DCC: variants seen among roughly 807,000 people sequenced by gnomAD.
The protein encoded by DCC is DCC netrin 1 receptor, also known as netrin receptor DCC.
DCC carries 58 observed loss-of-function variants against 172.5 expected under a neutral mutation model. That is an observed-to-expected ratio of 0.34 (90% CI 0.27 to 0.42). DCC has a LOEUF of 0.42. Ranked by LOEUF, DCC falls within the 10% of genes least tolerant of loss-of-function variation. The pLI is 1.00. For synonymous variants in DCC, 709 were observed against 644.5 expected, an observed-to-expected ratio of 1.10 and a Z score of -1.52; for missense variants, 1,740 against 1,791.0, an observed-to-expected ratio of 0.97 and a Z score of 0.51.
At chr18:53,199,304 T>C (rs548881805) in intron 9 of DCC, among the ~76,000 whole-genome samples, 1 of 152,116 alleles carries the variant, frequency 6.6e-6, no homozygotes, top group East Asian at 1.9e-4. Flanking sequence ...TTGGCCAGGC[T>C]GGTCTTGAAC....
intron 2 of DCC, among the ~76,000 whole-genome samples, chr18:52,816,378 A>G (rs1370298869): frequency 6.6e-6 from 1 of 152,234 alleles, no homozygotes; most frequent in African/African-American, 2.4e-5. Context: ...TGGGTCATCC[A>G]GGCTCACAGT....
At chr18:53,479,898 A>T (rs2045811595) in intron 25 of DCC, among the ~76,000 whole-genome samples, 1 of 152,124 alleles carries the variant, frequency 6.6e-6, no homozygotes, top group African/African-American at 2.4e-5. Context: ...GGTTTTGGAG[A>T]TCTGGGGGTA....
chr18:52,940,204 C>G (rs1187645580), intron 5 of DCC, among the ~76,000 whole-genome samples: 1 of 152,110 alleles, frequency 6.6e-6, no homozygotes, highest in Non-Finnish European at 1.5e-5. Context: ...AGAAACCAAA[C>G]CAACGAACAA....
At chr18:53,115,341 G>C (rs1031834058) in intron 7 of DCC, among the ~76,000 whole-genome samples, 1 of 151,530 alleles carries the variant, frequency 6.6e-6, no homozygotes, top group Non-Finnish European at 1.5e-5. Context: ...GGAGACTTGA[G>C]TATCTATGTC....
At chr18:52,843,564 G>A (rs77688221) in intron 2 of DCC, among the ~76,000 whole-genome samples, 5,866 of 152,262 alleles carry the variant, frequency 0.039, 160 homozygotes, top group Non-Finnish European at 0.06. Flanking sequence ...ATAATTAAAT[G>A]TGTGCAATAA....
rs144943584 is a variant in DCC at position 52,711,521 on chromosome 18, T to C, written c.92-40533T>C. Among the ~76,000 whole-genome samples, 880 of 152,348 alleles carry C rather than the reference T, an allele frequency of 5.8e-3. 8 individuals carry two copies. Among genetic ancestry groups the C allele is most frequent in the Non-Finnish European group, 7.5e-3 (510 of 68,024 alleles). On this transcript the variant is annotated intron_variant, in intron 1 of 28. Coordinates refer to ENST00000442544, the MANE Select transcript of DCC (RefSeq NM_005215.4). ...TAATGAATTCATTACAAATCTATCA[T>C]AGAGTCTGACCTCTAGTTTTTGAAG...
Position 52,400,860 on chromosome 18 carries a change from G to A in DCC, c.91+59982G>A, listed in dbSNP as rs149921301. Among the ~76,000 whole-genome samples, 1,201 of 151,906 alleles carry A rather than the reference G, an allele frequency of 7.9e-3. 8 individuals are homozygous for A. The highest frequency in any genetic ancestry group is 0.054 in the Middle Eastern group (16 of 294). On this transcript the variant is annotated intron_variant, in intron 1 of 28. Coordinates refer to ENST00000442544, the MANE Select transcript of DCC (RefSeq NM_005215.4). ...ACACAGGAACAGAAAACCAAACACCGCATGTTCTCACTCATAAGTGGGAGT... is the reference window on the plus strand; with the variant it reads ...ACACAGGAACAGAAAACCAAACACCACATGTTCTCACTCATAAGTGGGAGT...
At chr18:52,719,610 C>A (rs199847450) in intron 1 of DCC, among the ~76,000 whole-genome samples, 87 of 145,950 alleles carry the variant, frequency 6.0e-4, no homozygotes, top group Non-Finnish European at 5.7e-4. Flanking sequence ...ATCTAAGGAA[C>A]AAAAAAAAAA....
Position 53,532,778 on chromosome 18 carries a change from GA to G in DCC, c.*2126del, listed in dbSNP as rs1329185368. On this transcript the variant is annotated 3_prime_UTR_variant, in exon 29 of 29. Transcript: ENST00000442544. ...TAGGTTGCAAATCTCAGATTTTAGGGATTGAGTCACACCTTCAATCTATAGA... is the reference window on the plus strand; with the variant it reads ...TAGGTTGCAAATCTCAGATTTTAGGGTTGAGTCACACCTTCAATCTATAGA... 1 of 150,230 alleles carries G rather than the reference GA, an allele frequency of 6.7e-6. No individual in the cohort carries two copies. Among genetic ancestry groups the G allele is most frequent in the African/African-American group, 2.5e-5 (1 of 40,772 alleles). 9.3% of individuals were successfully genotyped at this position (150,230 alleles called of 1,614,324 possible). A position where few individuals can be genotyped will look rare whatever the true frequency, so the allele number is the denominator to read the frequency against.
chr18:52,473,192 G>A (rs1988995947), intron 1 of DCC, among the ~76,000 whole-genome samples: 1 of 152,198 alleles, frequency 6.6e-6, no homozygotes, highest in Non-Finnish European at 1.5e-5. Flanking sequence ...AAAACAGGCA[G>A]GCTCTGGTCT....
chr18:53,010,566 T>C (rs2041713540), intron 5 of DCC, among the ~76,000 whole-genome samples: 1 of 151,324 alleles, frequency 6.6e-6, no homozygotes, highest in Non-Finnish European at 1.5e-5. Context: ...CATTTAAATA[T>C]ATATGTACAT....
chr18:53,239,910 C>T (rs1452863907), intron 12 of DCC, among the ~76,000 whole-genome samples: 1 of 150,642 alleles, frequency 6.6e-6, no homozygotes, highest in Non-Finnish European at 1.5e-5. Context: ...GCATAATACA[C>T]ATTTTAATCA....
At chr18:52,946,612 T>C (rs765368103) in intron 5 of DCC, among the ~76,000 whole-genome samples, 13 of 152,144 alleles carry the variant, frequency 8.5e-5, no homozygotes, top group African/African-American at 1.4e-4. Context: ...CCTGAGGCAT[T>C]TTCTTTCCAT....
intron 4 of DCC, among the ~76,000 whole-genome samples, chr18:52,924,974 A>ATT (rs3216126): frequency 1.1e-3 from 172 of 150,096 alleles, no homozygotes; most frequent in African/African-American, 1.4e-3. Flanking sequence ...ATTATCTATC[A>ATT]TTTTTTTTTT....
At chr18:53,178,459 A>C (rs1355540678) in intron 8 of DCC, among the ~76,000 whole-genome samples, 1 of 152,222 alleles carries the variant, frequency 6.6e-6, no homozygotes, top group Non-Finnish European at 1.5e-5. Flanking sequence ...ACAGGGACTC[A>C]GGCTCCATAC....
At chr18:52,862,659 C>G (rs1568152754) in intron 2 of DCC, among the ~76,000 whole-genome samples, 1 of 152,082 alleles carries the variant, frequency 6.6e-6, no homozygotes, top group African/African-American at 2.4e-5. Context: ...GATTGCGCCA[C>G]TGCACTTCAG....
At chr18:53,488,153 G>A (rs2045922702) in intron 26 of DCC, among the ~76,000 whole-genome samples, 1 of 152,222 alleles carries the variant, frequency 6.6e-6, no homozygotes, top group Admixed American at 6.5e-5. Context: ...CAGAGGCTGA[G>A]GTGGGCAGAT....
At chr18:52,673,383 C>T (rs1003949275) in intron 1 of DCC, among the ~76,000 whole-genome samples, 4 of 152,124 alleles carry the variant, frequency 2.6e-5, no homozygotes, top group Admixed American at 1.3e-4. Context: ...TTGAGGAATA[C>T]TGGTCAGGGA....
chr18:52,983,869 T>C (rs1038042459), intron 5 of DCC, among the ~76,000 whole-genome samples: 4 of 152,108 alleles, frequency 2.6e-5, no homozygotes, highest in Admixed American at 6.6e-5. Flanking sequence ...ATGTATCAGC[T>C]GGGAGAAAAA....
Sources: allele counts gnomAD v4.1 joint callset (sites outside exome capture counted in the v4.1 genomes callset), GRCh38; gene constraint gnomAD v4.1.1; transcripts MANE v1.5; gene names NCBI Gene and HGNC (gene_info 2026-07-23, HGNC 2026-07-21).